SLC25A21: variants seen among roughly 807,000 people sequenced by gnomAD.
The protein encoded by SLC25A21 is mitochondrial 2-oxodicarboxylate carrier.
Under a neutral mutation model 43.8 loss-of-function variants are expected in SLC25A21, and 47 were observed. The observed-to-expected ratio is 1.07, with a 90% CI of 0.85 to 1.37. The LOEUF (loss-of-function observed/expected upper bound fraction) is 1.37, where lower values mean the gene tolerates loss of function less well. SLC25A21 is among the 40% of genes most tolerant of loss of function. The probability of loss-of-function intolerance (pLI) is 0.00; values close to 1 mark genes in which losing one functional copy is unlikely to be tolerated. For missense variants in SLC25A21, 352 were observed against 350.2 expected, an observed-to-expected ratio of 1.00 and a Z score of -0.04; for synonymous variants, 131 against 121.3, an observed-to-expected ratio of 1.08 and a Z score of -0.52.
At chr14:37,079,094 G>A (rs1280834860) in intron 1 of SLC25A21, among the ~76,000 whole-genome samples, 1 of 152,138 alleles carries the variant, frequency 6.6e-6, no homozygotes, top group Admixed American at 6.5e-5. Context: ...TGTTTTAAAT[G>A]TCAGTGCTCC....
At chr14:37,165,686 G>A (rs565817945) in intron 1 of SLC25A21, among the ~76,000 whole-genome samples, 9 of 152,204 alleles carry the variant, frequency 5.9e-5, no homozygotes, top group African/African-American at 2.2e-4. Context: ...ACCACTCAGG[G>A]GGCTAAGATA....
At chr14:36,869,905 A>G (rs555235591) in intron 2 of SLC25A21, among the ~76,000 whole-genome samples, 20 of 152,334 alleles carry the variant, frequency 1.3e-4, no homozygotes, top group Admixed American at 1.0e-3. Context: ...TCCACGTTCA[A>G]CAAGCCCCAC....
Position 36,679,375 on chromosome 14 carries a change from T to C in SLC25A21, c.*1283A>G, listed in dbSNP as rs547267555. ...AAAGTAATAATTACCATGTTATCTT[T>C]TACTTTTTATTTTCAAAATGCTTTA... On this transcript the variant is annotated 3_prime_UTR_variant, in exon 10 of 10. Transcript: ENST00000331299. 3.1e-5 allele frequency: 30 copies of C among 977,742 alleles called. No individual in the cohort carries two copies. In the African/African-American group the frequency reaches 5.3e-4, roughly 17 times the overall value. 60.6% of individuals were successfully genotyped at this position (977,742 alleles called of 1,614,324 possible).
At chr14:36,715,009 C>G (rs1042856448) in intron 6 of SLC25A21, among the ~76,000 whole-genome samples, 1 of 152,104 alleles carries the variant, frequency 6.6e-6, no homozygotes, top group African/African-American at 2.4e-5. Flanking sequence ...AGGCAACATG[C>G]CTAAGATAAA....
intron 1 of SLC25A21, among the ~76,000 whole-genome samples, chr14:37,040,687 C>T (rs535948354): frequency 6.6e-6 from 1 of 152,004 alleles, no homozygotes; most frequent in East Asian, 1.9e-4. Context: ...AAGAGGCTAA[C>T]AAAGTAGCCC....
intron 1 of SLC25A21, among the ~76,000 whole-genome samples, chr14:36,893,181 C>G (rs1891129725): frequency 6.6e-6 from 1 of 152,146 alleles, no homozygotes; most frequent in Admixed American, 6.5e-5. Flanking sequence ...TAAAAGTGTT[C>G]CTATTTCTCC....
chr14:36,814,376 T>TATCTTA (rs3985279), intron 2 of SLC25A21, among the ~76,000 whole-genome samples: 145,528 of 152,096 alleles, frequency 0.96, 69,944 homozygotes, highest in East Asian at 1. Context: ...TGCTATTTCT[T>TATCTTA]ATAAGTCTTC....
At chr14:37,007,069 A>G (rs1203481677) in intron 1 of SLC25A21, among the ~76,000 whole-genome samples, 1 of 152,226 alleles carries the variant, frequency 6.6e-6, no homozygotes, top group African/African-American at 2.4e-5. Flanking sequence ...GGTGATTAAG[A>G]TATTAGAAGG....
intron 2 of SLC25A21, among the ~76,000 whole-genome samples, chr14:36,852,532 T>C (rs1889772767): frequency 6.6e-6 from 1 of 152,236 alleles, no homozygotes; most frequent in Non-Finnish European, 1.5e-5. Context: ...GGAACTAGAT[T>C]CCACTCATTT....
chr14:36,834,781 T>A (rs1889152330), intron 2 of SLC25A21, among the ~76,000 whole-genome samples: 1 of 152,282 alleles, frequency 6.6e-6, no homozygotes, highest in East Asian at 1.9e-4. Flanking sequence ...AGTTTTTCCA[T>A]GTCAAATGTC....
intron 2 of SLC25A21, among the ~76,000 whole-genome samples, chr14:36,824,556 T>C (rs1019490808): frequency 6.6e-6 from 1 of 152,120 alleles, no homozygotes; most frequent in Middle Eastern, 3.2e-3. Context: ...GTCCTCTAGT[T>C]TCACAGTTTC....
chr14:36,788,578 A>T (rs536970201), intron 3 of SLC25A21: 1 of 147,396 alleles, frequency 6.8e-6, no homozygotes, highest in African/African-American at 2.5e-5. Context: ...CAGGCATCCT[A>T]GATCTGTGTG....
chr14:36,955,738 TG>T (rs1424537977), intron 1 of SLC25A21, among the ~76,000 whole-genome samples: 26 of 150,840 alleles, frequency 1.7e-4, no homozygotes, highest in African/African-American at 5.8e-4. Flanking sequence ...TGTTTTTTTT[TG>T]TTTTTTGTTT....
At position 36,936,367 on chromosome 14, in the gene SLC25A21, C is replaced by T. The variant is rs111478444; in HGVS notation, c.71-61363G>A. Among the ~76,000 whole-genome samples, 84 of 152,220 alleles carry T rather than the reference C, an allele frequency of 5.5e-4. 1 individual carries two copies. Among genetic ancestry groups the T allele is most frequent in the African/African-American group, 1.7e-3 (72 of 41,534 alleles). ...CACCACCCCTCTCCATCTCCCGGCCCGGGCCACCGTTTGTACTGTTTGCCT... is the reference window on the plus strand; with the variant it reads ...CACCACCCCTCTCCATCTCCCGGCCTGGGCCACCGTTTGTACTGTTTGCCT... On this transcript the variant is annotated intron_variant, in intron 1 of 9. Transcript: ENST00000331299.
At chr14:37,097,766 C>G (rs1487370364) in intron 1 of SLC25A21, 1 of 152,064 alleles carries the variant, frequency 6.6e-6, no homozygotes, top group African/African-American at 2.4e-5. Flanking sequence ...CACCTGTAAT[C>G]CCAGCTACTC....
chr14:36,744,339 C>T lies in SLC25A21; in HGVS notation c.204-9766G>A, dbSNP rs149219210. Among the ~76,000 whole-genome samples the T allele has an allele frequency of 5.8e-4, 88 of 152,150 alleles. 3 individuals carry two copies. The East Asian group carries it at 0.017, about 29-fold the overall frequency. ...AGCATGGCATTAGCACAAAAACAGACAGATAGATCAATGGAACAGAATAGA... is the reference window on the plus strand; with the variant it reads ...AGCATGGCATTAGCACAAAAACAGATAGATAGATCAATGGAACAGAATAGA... On this transcript the variant is annotated intron_variant, in intron 3 of 9. Transcript: ENST00000331299.
intron 1 of SLC25A21, among the ~76,000 whole-genome samples, chr14:37,068,687 G>T (rs773538430): frequency 4.6e-5 from 7 of 152,086 alleles, no homozygotes; most frequent in East Asian, 3.8e-4. Flanking sequence ...TGCTTACAAA[G>T]GGTAGTACTC....
chr14:36,944,115 G>A lies in SLC25A21; in HGVS notation c.71-69111C>T, dbSNP rs555609509. On this transcript the variant is annotated intron_variant, in intron 1 of 9. Coordinates refer to ENST00000331299, the MANE Select transcript of SLC25A21 (RefSeq NM_030631.4). ...ATTTACATCACAGAGCCATGCTCCC[G>A]TGTTGGCCTCTGTACTGAAGAGTGA... Among the ~76,000 whole-genome samples the A allele has an allele frequency of 1.6e-4, 24 of 152,160 alleles. No homozygotes were observed. In the East Asian group the frequency reaches 1.9e-3, roughly 12 times the overall value.
At chr14:36,942,255 G>T (rs971931207) in intron 1 of SLC25A21, among the ~76,000 whole-genome samples, 4 of 151,986 alleles carry the variant, frequency 2.6e-5, no homozygotes, top group Non-Finnish European at 5.9e-5. Flanking sequence ...AGTGTCCTGA[G>T]AATATTTTTG....
Sources: gnomAD v4.1 joint callset for allele counts (sites outside exome capture counted in the v4.1 genomes callset) on GRCh38, gnomAD v4.1.1 for gene constraint, MANE v1.5 for transcripts, NCBI Gene and HGNC (gene_info 2026-07-23, HGNC 2026-07-21) for gene names.